GLS: variants seen among roughly 807,000 people sequenced by gnomAD.
GLS encodes the protein glutaminase.
A neutral mutation model predicts 86.7 loss-of-function variants in GLS; 36 were observed. The observed-to-expected ratio is 0.42, with a 90% CI of 0.32 to 0.55. The LOEUF is 0.55. GLS is among the 20% of genes least tolerant of loss of function. GLS has a pLI of 0.17. For synonymous variants in GLS, 317 were observed against 305.9 expected, an observed-to-expected ratio of 1.04 and a Z score of -0.38; for missense variants, 528 against 833.4, an observed-to-expected ratio of 0.63 and a Z score of 4.51.
At chr2:190,922,443 C>T (rs568319517) in intron 9 of GLS, among the ~76,000 whole-genome samples, 11 of 152,144 alleles carry the variant, frequency 7.2e-5, no homozygotes, top group African/African-American at 2.4e-4. Flanking sequence ...GGAAGTATTC[C>T]ATGAATCTCA....
At chr2:190,904,388 C>T (rs531783454) in intron 5 of GLS, among the ~76,000 whole-genome samples, 15 of 152,052 alleles carry the variant, frequency 9.9e-5, no homozygotes, top group Non-Finnish European at 1.9e-4. Context: ...TACTCTCTTG[C>T]CCTCAGAGGA....
chr2:190,893,349 G>A (rs1187768590), intron 1 of GLS, among the ~76,000 whole-genome samples: 1 of 152,146 alleles, frequency 6.6e-6, no homozygotes, highest in Non-Finnish European at 1.5e-5. Flanking sequence ...CTTAACCTCT[G>A]AGCCTCTGTT....
Position 190,921,221 on chromosome 2 carries a change from T to C in GLS, c.1130+18T>C, listed in dbSNP as rs1689725618. 2 of 1,511,018 alleles carry C rather than the reference T, an allele frequency of 1.3e-6. No individual in the cohort carries two copies. The highest frequency in any genetic ancestry group is 9.2e-7 in the Non-Finnish European group (1 of 1,086,856). 93.6% of individuals were successfully genotyped at this position (1,511,018 alleles called of 1,614,324 possible). On this transcript the variant is annotated intron_variant, in intron 9 of 17. Transcript: ENST00000320717. The surrounding 1 kb of genome is among the most constrained non-coding windows in gnomAD (Gnocchi z 4.2). ...AATGCAACGTGAGTGTTTTAAATAC[T>C]GTTTTGTTACGTAAAAACACACAAC...
rs1184331919 is a variant in GLS at position 190,913,253 on chromosome 2, C to T, written c.1038+2932C>T. The T allele has an allele frequency of 1.5e-6, 2 of 1,301,428 alleles. No homozygotes were observed. Among genetic ancestry groups the T allele is most frequent in the African/African-American group, 1.5e-5 (1 of 65,522 alleles). The allele number at this position is 1,301,428 out of a possible 1,614,324, so 80.6% of individuals were successfully genotyped here. ...CAGAGCAAATGTTCAAAAGGATTAG[C>T]AGATTGTGGAAAAAAGGAGAATTTG... On this transcript the variant is annotated intron_variant, in intron 7 of 17. Coordinates refer to ENST00000320717, the MANE Select transcript of GLS (RefSeq NM_014905.5). The surrounding 1 kb of genome is among the most constrained non-coding windows in gnomAD (Gnocchi z 6.1).
rs1193159842 is a variant in GLS at position 190,920,759 on chromosome 2, T to G, written c.1039-265T>G. On this transcript the variant is annotated intron_variant, in intron 7 of 17. Coordinates refer to ENST00000320717, the MANE Select transcript of GLS (RefSeq NM_014905.5). The surrounding 1 kb of genome is among the most constrained non-coding windows in gnomAD (Gnocchi z 4.2). Reference sequence around the variant, plus strand: ...TAAGGGAATTCATGGTAACTTGTATTTAAAATTCTGTAACTTTGGGTTGGG... The same window carrying G: ...TAAGGGAATTCATGGTAACTTGTATGTAAAATTCTGTAACTTTGGGTTGGG... Among the ~76,000 whole-genome samples the G allele has an allele frequency of 6.6e-6, 1 of 151,756 alleles. No homozygotes were observed. The highest frequency in any genetic ancestry group is 2.4e-5 in the African/African-American group (1 of 41,424).
Position 190,963,245 on chromosome 2 carries a change from G to A in GLS, c.*259G>A. ...TGATGTAAAAGAAATAGTTACCAAT[G>A]CTAGCTTGTGTGGTCTTCCATGATT... On this transcript the variant is annotated 3_prime_UTR_variant, in exon 18 of 18. Coordinates refer to ENST00000320717, the MANE Select transcript of GLS (RefSeq NM_014905.5). 1 of 289,094 alleles carries A rather than the reference G, an allele frequency of 3.5e-6. No individual in the cohort carries two copies. The highest frequency in any genetic ancestry group is 5.0e-5 in the Admixed American group (1 of 20,172). The allele number at this position is 289,094 out of a possible 1,614,324, so 17.9% of individuals were successfully genotyped here.
intron 14 of GLS, among the ~76,000 whole-genome samples, chr2:190,948,239 C>G (rs2124941410): frequency 6.6e-6 from 1 of 152,290 alleles, no homozygotes; most frequent in Non-Finnish European, 1.5e-5. Flanking sequence ...GGGAAGAATA[C>G]CAAACTTCCA....
intron 14 of GLS, chr2:190,934,587 T>C: frequency 1.0e-6 from 1 of 984,204 alleles, no homozygotes; most frequent in Non-Finnish European, 1.2e-6. Context: ...AATGCCTTAA[T>C]TGGAAAAAAG....
chr2:190,930,391 A>AT lies in GLS; in HGVS notation c.1426-42dup. On this transcript the variant is annotated intron_variant, in intron 12 of 17. Coordinates refer to ENST00000320717, the MANE Select transcript of GLS (RefSeq NM_014905.5). The surrounding 1 kb of genome is among the most constrained non-coding windows in gnomAD (Gnocchi z 5.0). ...CCTATTGTTGAACATAACATTTCTTATTTTAAAATGTTTACCTGAATACTC... is the reference window on the plus strand; with the variant it reads ...CCTATTGTTGAACATAACATTTCTTATTTTTAAAATGTTTACCTGAATACTC... 7.0e-7 allele frequency: 1 copy of AT among 1,435,066 alleles called. No individual in the cohort carries two copies. The highest frequency in any genetic ancestry group is 9.8e-7 in the Non-Finnish European group (1 of 1,019,462). 88.9% of individuals were successfully genotyped at this position (1,435,066 alleles called of 1,614,324 possible).
In GLS at chr2:190,895,204, A is replaced by G. The variant is rs778957776; in HGVS notation, c.439A>G (p.Ile147Val). 4 of 1,553,176 alleles carry G rather than the reference A, an allele frequency of 2.6e-6. No homozygotes were observed. The highest frequency in any genetic ancestry group is 8.9e-7 in the Non-Finnish European group (1 of 1,127,880). ...PSLEDLLFYT[I>V]AEGQEKIPVH... ...CTTGGAAGATTTGCTGTTCTATACAATTGCTGAAGGACAAGAGAAAATACC... is the reference window on the plus strand; with the variant it reads ...CTTGGAAGATTTGCTGTTCTATACAGTTGCTGAAGGACAAGAGAAAATACC... The change falls in exon 2 of 18, where the codon ATT (isoleucine) becomes GTT (valine). Residue 147 changes from isoleucine to valine, a missense_variant. Transcript: ENST00000320717. This position sits in a 1 kb window ranked among gnomAD's most constrained non-coding sequence, Gnocchi z 4.2.
chr2:190,916,377 A>AT (rs910249209), intron 7 of GLS, among the ~76,000 whole-genome samples: 3 of 152,018 alleles, frequency 2.0e-5, no homozygotes, highest in Non-Finnish European at 4.4e-5. Flanking sequence ...AAGATAATGG[A>AT]TTTTTTATCA....
At chr2:190,896,910 T>G (rs1011842749) in intron 3 of GLS, among the ~76,000 whole-genome samples, 3 of 152,216 alleles carry the variant, frequency 2.0e-5, no homozygotes, top group Non-Finnish European at 4.4e-5. Flanking sequence ...CTGATTAAAG[T>G]GCTTTCTGTG....
At chr2:190,894,287 T>C (rs1256820171) in intron 1 of GLS, among the ~76,000 whole-genome samples, 3 of 152,234 alleles carry the variant, frequency 2.0e-5, no homozygotes, top group Non-Finnish European at 4.4e-5. Flanking sequence ...AGATTACTTA[T>C]AATACCTAAT....
intron 7 of GLS, among the ~76,000 whole-genome samples, chr2:190,916,297 G>T (rs1351880289): frequency 6.6e-6 from 1 of 152,004 alleles, no homozygotes; most frequent in Admixed American, 6.5e-5. Flanking sequence ...TCTCATTTAT[G>T]CATGCCTAGC....
chr2:190,886,214 T>G (rs1203258330), intron 1 of GLS, among the ~76,000 whole-genome samples: 1 of 152,200 alleles, frequency 6.6e-6, no homozygotes, highest in East Asian at 1.9e-4. Flanking sequence ...TACCAATAAC[T>G]ATATGTCATA....
intron 7 of GLS, among the ~76,000 whole-genome samples, chr2:190,912,889 G>A (rs748591715): frequency 3.3e-5 from 5 of 152,104 alleles, no homozygotes; most frequent in South Asian, 2.1e-4. Context: ...CAAGTGTTAC[G>A]TAGTCATTCT....
Position 190,954,745 on chromosome 2 carries a change from G to A in GLS, c.1790-10G>A, listed in dbSNP as rs1047931919. On this transcript the variant is annotated splice_polypyrimidine_tract_variant and intron_variant, in intron 16 of 17. Coordinates refer to ENST00000320717, the MANE Select transcript of GLS (RefSeq NM_014905.5). This position sits in a 1 kb window ranked among gnomAD's most constrained non-coding sequence, Gnocchi z 4.0. Reference sequence around the variant, plus strand: ...AAATCTGCTCTTTTTTTGGGGGTGGGACGGTATAGGTCATGTTGAAGTTGT... The same window carrying A: ...AAATCTGCTCTTTTTTTGGGGGTGGAACGGTATAGGTCATGTTGAAGTTGT... 1 of 1,613,824 alleles carries A rather than the reference G, an allele frequency of 6.2e-7. No individual in the cohort carries two copies. The highest frequency in any genetic ancestry group is 8.5e-7 in the Non-Finnish European group (1 of 1,179,842).
chr2:190,891,796 C>T (rs1053709707), intron 1 of GLS, among the ~76,000 whole-genome samples: 3 of 152,056 alleles, frequency 2.0e-5, no homozygotes, highest in Non-Finnish European at 4.4e-5. Context: ...ATTAAGTATT[C>T]ATATAATAGC....
Position 190,881,132 on chromosome 2 carries a change from G to C in GLS, c.48G>C (p.Arg16=). ...GSGMLRDLLL[R]SPAGVSATLR... is the part of the protein sequence containing the mutation. ...GGATGCTGCGGGACCTGCTCCTGCG[G>C]TCGCCCGCCGGCGTGAGCGCGACTC... The change falls in exon 1 of 18, where the codon CGG becomes CGC. Residue 16 remains arginine, a synonymous_variant. Transcript: ENST00000320717. The C allele has an allele frequency of 6.4e-7, 1 of 1,557,636 alleles. No individual in the cohort carries two copies. Among genetic ancestry groups the C allele is most frequent in the South Asian group, 1.2e-5 (1 of 86,022 alleles).
Sources: allele counts gnomAD v4.1 joint callset (sites outside exome capture counted in the v4.1 genomes callset), GRCh38; gene constraint gnomAD v4.1.1; non-coding constraint Gnocchi (gnomAD v3.1); transcripts MANE v1.5; gene names NCBI Gene and HGNC (gene_info 2026-07-23, HGNC 2026-07-21).